The following GPM6B variants were observed in gnomAD, a reference collection of about 807,000 sequenced individuals.
GPM6B encodes glycoprotein M6B.
In GPM6B, 4 loss-of-function variants were observed where a neutral mutation model predicts 27.2. The observed-to-expected ratio is 0.15, with a 90% confidence interval of 0.07 to 0.34. GPM6B has a LOEUF of 0.34. Ranked by LOEUF, GPM6B falls within the 10% of genes least tolerant of loss-of-function variation. The probability of loss-of-function intolerance (pLI) is 1.00; values close to 1 mark genes in which losing one functional copy is unlikely to be tolerated. For synonymous variants in GPM6B, 124 were observed against 103.1 expected, an observed-to-expected ratio of 1.20 and a Z score of -1.23; for missense variants, 183 against 261.9, an observed-to-expected ratio of 0.70 and a Z score of 2.08.
intron 2 of GPM6B, among the ~76,000 whole-genome samples, chrX:13,802,729 G>A (rs746760689): frequency 1.8e-5 from 2 of 111,901 alleles, no homozygotes; most frequent in East Asian, 2.8e-4. Context: ...TTTACGGCAT[G>A]AGCCTGAGCT....
intron 1 of GPM6B, among the ~76,000 whole-genome samples, chrX:13,887,129 T>G (rs1018952571): frequency 6.2e-5 from 7 of 112,283 alleles, no homozygotes; most frequent in Non-Finnish European, 1.1e-4. Context: ...CGAGCCTTCA[T>G]CTTTGAACGA....
intron 1 of GPM6B, among the ~76,000 whole-genome samples, chrX:13,932,367 T>C (rs1421251037): frequency 8.9e-6 from 1 of 112,509 alleles, no homozygotes; most frequent in African/African-American, 3.2e-5. Flanking sequence ...GGAATCCCTC[T>C]TTGAAATACC....
At chrX:13,841,921 T>C (rs959675257) in intron 1 of GPM6B, among the ~76,000 whole-genome samples, 20 of 111,756 alleles carry the variant, frequency 1.8e-4, no homozygotes, top group African/African-American at 5.5e-4. Flanking sequence ...TCTTCCTCCC[T>C]TTCGATTTGT....
chrX:13,787,041 C>CAAAAAAAAAAAAAAAAAAAA (rs869123073), intron 2 of GPM6B, among the ~76,000 whole-genome samples: 7 of 24,511 alleles, frequency 2.9e-4, no homozygotes, highest in Admixed American at 1.5e-3. Context: ...ATTAAGCCAG[C>CAAAAAAAAAAAAAAAAAAAA]AAAAAAAAAA....
intron 1 of GPM6B, among the ~76,000 whole-genome samples, chrX:13,902,898 G>A (rs1254967342): frequency 9.0e-6 from 1 of 111,661 alleles, no homozygotes. Context: ...AAGAGGGCGG[G>A]AGACTCAACG....
At chrX:13,816,741 T>C in intron 1 of GPM6B, 103 bp downstream of exon 1, 3 of 971,537 alleles carry the variant, frequency 3.1e-6, no homozygotes, top group Non-Finnish European at 4.4e-6. Flanking sequence ...GCCATAGGGA[T>C]TGTCTCAGAG....
chrX:13,879,948 T>C (rs2050077373), intron 1 of GPM6B, among the ~76,000 whole-genome samples: 1 of 111,929 alleles, frequency 8.9e-6, no homozygotes, highest in Admixed American at 9.5e-5. Flanking sequence ...CCATTAGTAC[T>C]ACCTGAAAAT....
intron 1 of GPM6B, among the ~76,000 whole-genome samples, chrX:13,858,044 G>T (rs749576524): frequency 1.4e-3 from 155 of 112,640 alleles, no homozygotes; most frequent in African/African-American, 4.6e-3. Flanking sequence ...TCAAAGTGCT[G>T]TGTATATATC....
intron 3 of GPM6B, 104 bp from the exon 4 acceptor site, chrX:13,783,625 G>GA: frequency 4.4e-6 from 3 of 688,401 alleles, no homozygotes; most frequent in South Asian, 2.7e-5. Flanking sequence ...TCCTGTGAGT[G>GA]CGTCACTCGC....
At chrX:13,783,631 C>T (rs2048558364) in intron 3 of GPM6B, 110 bp from the exon 4 acceptor site, 2 of 656,702 alleles carry the variant, frequency 3.0e-6, no homozygotes, top group Admixed American at 2.9e-5. Flanking sequence ...GAGTGCGTCA[C>T]TCGCCCCACT....
At chrX:13,849,026 T>C (rs959431333) in intron 1 of GPM6B, among the ~76,000 whole-genome samples, 7 of 112,398 alleles carry the variant, frequency 6.2e-5, no homozygotes, top group Non-Finnish European at 1.1e-4. Flanking sequence ...ACTTGATGCA[T>C]GGTTCCTCAA....
At chrX:13,776,327 A>G (rs373762644) in intron 6 of GPM6B, 24 bp from the exon 7 acceptor site, 16 of 1,150,937 alleles carry the variant, frequency 1.4e-5, no homozygotes, top group East Asian at 3.0e-5. Flanking sequence ...GGGCATCAAC[A>G]TAAGCATTTG....
At chrX:13,807,808 T>C in intron 1 of GPM6B, 39 bp from the exon 2 acceptor site, 1 of 1,135,048 alleles carries the variant, frequency 8.8e-7, no homozygotes, top group Non-Finnish European at 1.2e-6. Flanking sequence ...TGTCTCTATC[T>C]CCAGCAAAGA....
At chrX:13,857,250 T>C (rs752418910) in intron 1 of GPM6B, among the ~76,000 whole-genome samples, 40 of 111,868 alleles carry the variant, frequency 3.6e-4, no homozygotes, top group Non-Finnish European at 6.8e-4. Flanking sequence ...TCATGGCTTA[T>C]GACCTGGACA....
intron 2 of GPM6B, among the ~76,000 whole-genome samples, chrX:13,804,381 C>T (rs1293259096): frequency 3.0e-5 from 3 of 99,367 alleles, no homozygotes; most frequent in African/African-American, 1.1e-4. Context: ...CAGACCACCA[C>T]CTCAGGCCAG....
At chrX:13,866,351 G>A (rs1479210373) in intron 1 of GPM6B, among the ~76,000 whole-genome samples, 1 of 112,225 alleles carries the variant, frequency 8.9e-6, no homozygotes, top group Non-Finnish European at 1.9e-5. Flanking sequence ...CAACAAGAGT[G>A]AAACTCCGTC....
At chrX:13,811,989 G>A (rs979977248) in intron 1 of GPM6B, among the ~76,000 whole-genome samples, 2 of 108,964 alleles carry the variant, frequency 1.8e-5, no homozygotes, top group Non-Finnish European at 3.8e-5. Flanking sequence ...CTCCTGTAAC[G>A]TGAGCTGAAG....
chrX:13,817,424 G>A, upstream of GPM6B: 1 of 668,164 alleles, frequency 1.5e-6, no homozygotes, highest in Non-Finnish European at 1.8e-6. Context: ...ATGTGAAGGA[G>A]AAAGAAAAGA....
chrX:13,825,604 C>T (rs183916770), intron 1 of GPM6B, among the ~76,000 whole-genome samples: 136 of 112,762 alleles, frequency 1.2e-3, no homozygotes, highest in African/African-American at 4.3e-3. Context: ...TGGAAAATTC[C>T]GATGTCCTTG....
Sources: allele counts gnomAD v4.1 joint callset (sites outside exome capture counted in the v4.1 genomes callset), GRCh38; gene constraint gnomAD v4.1.1; transcripts MANE v1.5; gene names NCBI Gene and HGNC (gene_info 2026-07-23, HGNC 2026-07-21).